PRKG1: variants seen among roughly 807,000 people sequenced by gnomAD.
PRKG1 encodes protein kinase cGMP-dependent 1, also known as cGMP-dependent protein kinase 1.
Under a neutral mutation model 88.1 loss-of-function variants are expected in PRKG1, and 35 were observed. That is an observed-to-expected ratio of 0.40 (90% CI 0.30 to 0.53). The LOEUF (loss-of-function observed/expected upper bound fraction) is 0.53, where lower values mean the gene tolerates loss of function less well. PRKG1 is among the 20% of genes least tolerant of loss of function. The pLI, the probability that PRKG1 is intolerant of heterozygous loss-of-function variation, is 0.59. For missense variants in PRKG1, 540 were observed against 839.8 expected (o/e 0.64, Z 4.41); for synonymous variants, 303 against 292.5 (o/e 1.04, Z -0.37).
intron 3 of PRKG1, among the ~76,000 whole-genome samples, chr10:51,489,936 A>G (rs1175549275): frequency 1.3e-5 from 2 of 152,170 alleles, no homozygotes; most frequent in African/African-American, 4.8e-5. Flanking sequence ...GGACTCACTT[A>G]TCATCACTAC....
intron 2 of PRKG1, among the ~76,000 whole-genome samples, chr10:51,197,410 C>T (rs1175682859): frequency 6.6e-6 from 1 of 151,928 alleles, no homozygotes; most frequent in African/African-American, 2.4e-5. Context: ...GTGGCTGGGA[C>T]TACAGTGCCT....
At chr10:52,080,899 T>G in intron 7 of PRKG1, among the ~76,000 whole-genome samples, 1 of 152,160 alleles carries the variant, frequency 6.6e-6, no homozygotes, top group East Asian at 1.9e-4. Flanking sequence ...TGTTGATTAC[T>G]GTGAGCTTGA....
At chr10:52,080,129 A>G (rs541600029) in intron 7 of PRKG1, among the ~76,000 whole-genome samples, 37 of 152,326 alleles carry the variant, frequency 2.4e-4, no homozygotes, top group African/African-American at 8.7e-4. Flanking sequence ...TAAATTCTCA[A>G]GAAATATGGA....
chr10:51,155,525 AC>A (rs141460825), intron 2 of PRKG1, among the ~76,000 whole-genome samples: 31 of 152,112 alleles, frequency 2.0e-4, no homozygotes, highest in African/African-American at 7.5e-4. Context: ...CAGGGTTTAT[AC>A]CCAGGCTATT....
intron 17 of PRKG1, among the ~76,000 whole-genome samples, chr10:52,290,945 T>C (rs1842226973): frequency 6.7e-6 from 1 of 148,918 alleles, no homozygotes; most frequent in Non-Finnish European, 1.5e-5. Context: ...TTTTTTGAGA[T>C]GGAGTCTTAA....
intron 4 of PRKG1, among the ~76,000 whole-genome samples, chr10:51,882,361 T>C (rs1252909121): frequency 6.6e-6 from 1 of 152,188 alleles, no homozygotes; most frequent in Admixed American, 6.5e-5. Context: ...ACTTCATAAA[T>C]AAATCTTCTT....
chr10:51,276,806 G>T (rs565333458), intron 2 of PRKG1, among the ~76,000 whole-genome samples: 1 of 152,048 alleles, frequency 6.6e-6, no homozygotes, highest in East Asian at 1.9e-4. Flanking sequence ...ACTTTTTGAT[G>T]GGGTTGTTTT....
At chr10:51,843,554 C>G (rs1288013202) in intron 4 of PRKG1, among the ~76,000 whole-genome samples, 1 of 152,156 alleles carries the variant, frequency 6.6e-6, no homozygotes, top group Non-Finnish European at 1.5e-5. Flanking sequence ...GAACAGCAAC[C>G]ACGTTCTTCG....
rs988521708 is a variant in PRKG1 at position 52,151,292 on chromosome 10, A to G, written c.1002-10597A>G. Among the ~76,000 whole-genome samples the G allele has an allele frequency of 2.0e-5, 3 of 151,974 alleles. No individual in the cohort carries two copies. In the South Asian group the frequency reaches 6.2e-4, roughly 32 times the overall value. On this transcript the variant is annotated intron_variant, in intron 8 of 17. Transcript: ENST00000373980. ...GGTTTTTTCCTTCTGAAAATTTTTTAATAGATAAGACGCTCATTGTTGCCA... is the reference window on the plus strand; with the variant it reads ...GGTTTTTTCCTTCTGAAAATTTTTTGATAGATAAGACGCTCATTGTTGCCA...
At chr10:51,171,315 G>C (rs1846700784) in intron 2 of PRKG1, among the ~76,000 whole-genome samples, 1 of 152,116 alleles carries the variant, frequency 6.6e-6, no homozygotes, top group Non-Finnish European at 1.5e-5. Context: ...CTAAATTGTG[G>C]TAACAAAGAG....
chr10:51,926,365 A>G (rs909049760), intron 5 of PRKG1, among the ~76,000 whole-genome samples: 14 of 152,152 alleles, frequency 9.2e-5, no homozygotes, highest in African/African-American at 3.1e-4. Context: ...TAGCCTCTGT[A>G]GATATTTGAC....
chr10:51,507,923 C>G lies in PRKG1; in HGVS notation c.592+40087C>G, dbSNP rs532836229. Among the ~76,000 whole-genome samples, 26 of 152,174 alleles carry G rather than the reference C, an allele frequency of 1.7e-4. No homozygotes were observed. The South Asian group carries it at 2.1e-3, about 12-fold the overall frequency. ...CTGTTTTAGGAAATACAAAGGTAAA[C>G]AGTTAAACATGTGTAATTTTTTTTA... On this transcript the variant is annotated intron_variant, in intron 3 of 17. Coordinates refer to ENST00000373980, the MANE Select transcript of PRKG1 (RefSeq NM_006258.4).
chr10:51,657,276 G>T (rs958206693), intron 3 of PRKG1, among the ~76,000 whole-genome samples: 1 of 151,910 alleles, frequency 6.6e-6, no homozygotes, highest in Non-Finnish European at 1.5e-5. Context: ...TTATTTGTCT[G>T]CAGTCTATAC....
intron 3 of PRKG1, among the ~76,000 whole-genome samples, chr10:51,497,003 T>C (rs75377351): frequency 0.016 from 2,369 of 152,324 alleles, 32 homozygotes; most frequent in Middle Eastern, 0.041. Context: ...TAAATGGGCC[T>C]GTCGTCGTTT....
chr10:51,570,167 A>G (rs1837713996), intron 3 of PRKG1, among the ~76,000 whole-genome samples: 1 of 150,876 alleles, frequency 6.6e-6, no homozygotes, highest in Admixed American at 6.6e-5. Flanking sequence ...TGACCCTTGA[A>G]TGACACAGGA....
chr10:51,020,637 C>T lies in PRKG1; in HGVS notation c.266+28993C>T, dbSNP rs57839182. ...TTGTATTCTCAAAATAGCTCAAAGG[C>T]GTCTCTTGGCAATATGAACAGTTTT... On this transcript the variant is annotated intron_variant, in intron 1 of 17. Coordinates refer to the PRKG1 transcript ENST00000401604. Among the ~76,000 whole-genome samples the T allele has an allele frequency of 1.6e-3, 247 of 152,250 alleles. 1 individual carries two copies. Among genetic ancestry groups the T allele is most frequent in the African/African-American group, 5.7e-3 (238 of 41,552 alleles).
chr10:51,231,642 G>T (rs973556830), intron 2 of PRKG1, among the ~76,000 whole-genome samples: 1 of 151,828 alleles, frequency 6.6e-6, no homozygotes, highest in African/African-American at 2.4e-5. Flanking sequence ...ACACTGAGTA[G>T]TTCCATTTCA....
At chr10:51,222,808 A>G (rs1474501117) in intron 2 of PRKG1, among the ~76,000 whole-genome samples, 1 of 152,106 alleles carries the variant, frequency 6.6e-6, no homozygotes, top group Admixed American at 6.5e-5. Context: ...ACCCCCTCTA[A>G]GTTTTCTGAA....
chr10:52,296,802 T>C lies in PRKG1; in HGVS notation c.*2902T>C, dbSNP rs368325228. 1 of 152,262 alleles carries C rather than the reference T, an allele frequency of 6.6e-6. No individual in the cohort carries two copies. The highest frequency in any genetic ancestry group is 1.9e-4 in the East Asian group (1 of 5,184). 9.4% of individuals were successfully genotyped at this position (152,262 alleles called of 1,614,324 possible). A position where few individuals can be genotyped will look rare whatever the true frequency, so the allele number is the denominator to read the frequency against. On this transcript the variant is annotated 3_prime_UTR_variant, in exon 18 of 18. Coordinates refer to ENST00000373980, the MANE Select transcript of PRKG1 (RefSeq NM_006258.4). ...TCTGGAAAAACGCTATACATGCTTT[T>C]TATGTTTATATCTTCTTTCTTATTA... is the stretch of plus-strand genomic sequence containing the variant.
Sources: allele counts gnomAD v4.1 joint callset (sites outside exome capture counted in the v4.1 genomes callset), GRCh38; gene constraint gnomAD v4.1.1; transcripts MANE v1.5; gene names NCBI Gene and HGNC (gene_info 2026-07-23, HGNC 2026-07-21).